The following REEP1 variants were observed in gnomAD, a reference collection of about 807,000 sequenced individuals.
REEP1 encodes receptor accessory protein 1.
Under a neutral mutation model 40.3 loss-of-function variants are expected in REEP1, and 22 were observed. That is an observed-to-expected ratio of 0.55 (90% CI 0.39 to 0.78). The LOEUF (loss-of-function observed/expected upper bound fraction) is 0.78, where lower values mean the gene tolerates loss of function less well. REEP1 is among the 30% of genes least tolerant of loss of function. The pLI is 0.00. For synonymous variants in REEP1, 116 were observed against 139.2 expected (o/e 0.83, Z 1.17); for missense variants, 280 against 361.1 (o/e 0.78, Z 1.82).
intron 1 of REEP1, among the ~76,000 whole-genome samples, chr2:86,306,063 C>T (rs190540903): frequency 1.3e-5 from 2 of 152,280 alleles, no homozygotes; most frequent in Admixed American, 1.3e-4. Flanking sequence ...TTTAAAACTG[C>T]CAAACTTTTT....
chr2:86,294,736 T>TAGATAGAA (rs1167674357), intron 1 of REEP1, among the ~76,000 whole-genome samples: 2 of 140,390 alleles, frequency 1.4e-5, no homozygotes, highest in African/African-American at 4.9e-5. Context: ...GATAGATAGA[T>TAGATAGAA]AGATAGATAG....
At chr2:86,233,486 GAATT>G (rs1675138175) in intron 5 of REEP1, among the ~76,000 whole-genome samples, 1 of 152,170 alleles carries the variant, frequency 6.6e-6, no homozygotes, top group Admixed American at 6.5e-5. Context: ...GGGAGACAGA[GAATT>G]AATCTCGGGG....
At chr2:86,296,788 T>C (rs1221564406) in intron 1 of REEP1, among the ~76,000 whole-genome samples, 1 of 151,594 alleles carries the variant, frequency 6.6e-6, no homozygotes, top group Non-Finnish European at 1.5e-5. Context: ...ACTGGGGAGG[T>C]GGAGGTTGCA....
chr2:86,303,530 T>TA (rs34567019), intron 1 of REEP1, among the ~76,000 whole-genome samples: 56,369 of 148,732 alleles, frequency 0.38, 10,815 homozygotes, highest in Middle Eastern at 0.45. Context: ...CCTGGCTAAT[T>TA]AAAAAAAAAA....
chr2:86,268,574 C>G (rs1031154379), intron 2 of REEP1, among the ~76,000 whole-genome samples: 10 of 152,118 alleles, frequency 6.6e-5, no homozygotes, highest in African/African-American at 2.2e-4. Flanking sequence ...TCTATAGATT[C>G]AATGCAACCC....
chr2:86,266,205 C>T (rs1293552618), intron 2 of REEP1, among the ~76,000 whole-genome samples: 1 of 152,164 alleles, frequency 6.6e-6, no homozygotes, highest in African/African-American at 2.4e-5. Flanking sequence ...ATACCATATA[C>T]AAAAATTAAC....
Position 86,215,143 on chromosome 2 carries a change from A to C in REEP1, c.*1896T>G, listed in dbSNP as rs1179588456. The C allele has an allele frequency of 6.6e-6, 1 of 152,012 alleles. No homozygotes were observed. Among genetic ancestry groups the C allele is most frequent in the Non-Finnish European group, 1.5e-5 (1 of 68,014 alleles). The allele number at this position is 152,012 out of a possible 1,614,324, so 9.4% of individuals were successfully genotyped here. ...CTGTCTGGAACTACTCAATGAGCAC[A>C]AAGAAAACATTTTCTGTCTTCCTTA... On this transcript the variant is annotated 3_prime_UTR_variant, in exon 9 of 9. Transcript: ENST00000538924.
chr2:86,315,109 G>C (rs1480930900), intron 1 of REEP1, among the ~76,000 whole-genome samples: 1 of 152,062 alleles, frequency 6.6e-6, no homozygotes, highest in East Asian at 1.9e-4. Flanking sequence ...GGGTCTAAGA[G>C]GGTGTATCTA....
intron 6 of REEP1, among the ~76,000 whole-genome samples, chr2:86,231,719 G>T (rs1675027501): frequency 6.6e-6 from 1 of 151,934 alleles, no homozygotes; most frequent in South Asian, 2.1e-4. Context: ...CCCACCATCA[G>T]TCCTGGGCAG....
At chr2:86,250,332 C>A (rs1676201524) in intron 5 of REEP1, among the ~76,000 whole-genome samples, 1 of 152,138 alleles carries the variant, frequency 6.6e-6, no homozygotes, top group Non-Finnish European at 1.5e-5. Flanking sequence ...GCTTCAGAGG[C>A]AGAACAGATG....
At chr2:86,249,956 C>G (rs1676178070) in intron 5 of REEP1, among the ~76,000 whole-genome samples, 1 of 152,202 alleles carries the variant, frequency 6.6e-6, no homozygotes, top group Non-Finnish European at 1.5e-5. Context: ...AAGCAGATGT[C>G]CCTCACTACG....
intron 3 of REEP1, chr2:86,255,163 C>G (rs1676486630): frequency 4.1e-6 from 1 of 246,456 alleles, no homozygotes; most frequent in Non-Finnish European, 8.0e-6. Context: ...TGGCCACAGC[C>G]TACAGGCTCA....
At chr2:86,280,416 C>T (rs1317359303) in intron 2 of REEP1, among the ~76,000 whole-genome samples, 1 of 152,154 alleles carries the variant, frequency 6.6e-6, no homozygotes, top group African/African-American at 2.4e-5. Context: ...AAACAATTTA[C>T]CAGGGTTTGA....
At chr2:86,317,789 A>G (rs1029117259) in intron 1 of REEP1, among the ~76,000 whole-genome samples, 2 of 152,250 alleles carry the variant, frequency 1.3e-5, no homozygotes, top group African/African-American at 4.8e-5. Context: ...GCACTCATAC[A>G]GTGTTTCTGC....
intron 6 of REEP1, among the ~76,000 whole-genome samples, chr2:86,232,324 A>G (rs1329550186): frequency 6.6e-6 from 1 of 152,220 alleles, no homozygotes; most frequent in Non-Finnish European, 1.5e-5. Flanking sequence ...TGCTGCCTCC[A>G]GGCTTTGCCT....
At chr2:86,304,549 C>T (rs1350906943) in intron 1 of REEP1, among the ~76,000 whole-genome samples, 2 of 152,196 alleles carry the variant, frequency 1.3e-5, no homozygotes, top group East Asian at 1.9e-4. Flanking sequence ...GACACAAACC[C>T]GCATTCCCCT....
chr2:86,335,468 G>A (rs372192431), intron 1 of REEP1, among the ~76,000 whole-genome samples: 2 of 152,060 alleles, frequency 1.3e-5, no homozygotes, highest in East Asian at 3.9e-4. Context: ...TCTAGGGAGT[G>A]TGGTTGTTTT....
At chr2:86,314,282 T>C (rs1679892868) in intron 1 of REEP1, among the ~76,000 whole-genome samples, 1 of 152,060 alleles carries the variant, frequency 6.6e-6, no homozygotes, top group African/African-American at 2.4e-5. Flanking sequence ...AGCTGAGAAA[T>C]TTGCCCATGC....
intron 2 of REEP1, among the ~76,000 whole-genome samples, chr2:86,280,504 G>A (rs971001628): frequency 6.6e-6 from 1 of 152,228 alleles, no homozygotes; most frequent in Non-Finnish European, 1.5e-5. Context: ...AGTGATCCTG[G>A]TAAGGCCTCC....
Sources: gnomAD v4.1 joint callset for allele counts (sites outside exome capture counted in the v4.1 genomes callset) on GRCh38, gnomAD v4.1.1 for gene constraint, MANE v1.5 for transcripts, NCBI Gene and HGNC (gene_info 2026-07-23, HGNC 2026-07-21) for gene names.